The following NINJ2 variants were observed in gnomAD, a reference collection of about 807,000 sequenced individuals.
The protein encoded by NINJ2 is ninjurin-2.
NINJ2 carries 12 observed loss-of-function variants against 11.7 expected under a neutral mutation model. The ratio of observed to expected loss-of-function variants is 1.02; its 90% CI spans 0.66 to 1.66. The LOEUF is 1.66. Among genes scored for constraint, NINJ2 ranks in the 40% most tolerant of loss-of-function variants. NINJ2 has a pLI of 0.00. For synonymous variants in NINJ2, 93 were observed against 76.8 expected (o/e 1.21, Z -1.10); for missense variants, 187 against 181.8 (o/e 1.03, Z -0.16).
In NINJ2 at chr12:591,438, T is replaced by G. The variant is rs1279018661; in HGVS notation, c.34-25260A>C. 6.6e-6 allele frequency among the ~76,000 whole-genome samples: 1 copy of G among 152,184 alleles called. No homozygotes were observed. The highest frequency in any genetic ancestry group is 1.5e-5 in the Non-Finnish European group (1 of 68,030). ...AACCTGGGGCTGTGCGCTCTCCTGA[T>G]GCAAGGTCCTTTCTGCTAGTCATGA... is the stretch of plus-strand genomic sequence containing the variant. On this transcript the variant is annotated intron_variant, in intron 1 of 3. Transcript: ENST00000305108. The surrounding 1 kb of genome is among the most constrained non-coding windows in gnomAD (Gnocchi z 5.0).
intron 1 of NINJ2, among the ~76,000 whole-genome samples, chr12:578,171 C>T (rs1947496338): frequency 2.6e-5 from 4 of 152,266 alleles, no homozygotes; most frequent in East Asian, 1.9e-4. Flanking sequence ...CCTGATTACT[C>T]AATCAATCAT....
chr12:569,134 A>G (rs58548238), intron 1 of NINJ2, among the ~76,000 whole-genome samples: 15,533 of 152,262 alleles, frequency 0.1, 980 homozygotes, highest in East Asian at 0.3. Flanking sequence ...GATGGAGGGT[A>G]AATGAGGACC....
intron 1 of NINJ2, among the ~76,000 whole-genome samples, chr12:593,882 C>T (rs932973936): frequency 5.9e-5 from 9 of 152,114 alleles, no homozygotes; most frequent in African/African-American, 1.7e-4. Flanking sequence ...AATTATTTAT[C>T]AAATAAATTA....
rs1185095457 is a variant in NINJ2, at chr12:628,764, C to T, written c.33+34564G>A. Among the ~76,000 whole-genome samples, 1 of 152,132 alleles carries T rather than the reference C, an allele frequency of 6.6e-6. No homozygotes were observed. Among genetic ancestry groups the T allele is most frequent in the African/African-American group, 2.4e-5 (1 of 41,410 alleles). On this transcript the variant is annotated intron_variant, in intron 1 of 3. Transcript: ENST00000305108. This position sits in a 1 kb window ranked among gnomAD's most constrained non-coding sequence, Gnocchi z 4.4. ...AAAACCAAGATGGCAATGAAAGTGA[C>T]CACTGGTTGTCCTCACTGCTCAGTA...
At chr12:658,061 C>T (rs1439121971) in intron 1 of NINJ2, among the ~76,000 whole-genome samples, 5 of 125,932 alleles carry the variant, frequency 4.0e-5, no homozygotes, top group Non-Finnish European at 6.2e-5. Flanking sequence ...TGCAGTGGTG[C>T]GATCTCAGCT....
chr12:631,448 C>T (rs1373830420), intron 1 of NINJ2, among the ~76,000 whole-genome samples: 1 of 152,216 alleles, frequency 6.6e-6, no homozygotes, highest in Non-Finnish European at 1.5e-5. Flanking sequence ...AATGCAACCT[C>T]CGCCTCCCGG....
chr12:610,667 A>C (rs1948016669), intron 1 of NINJ2: 1 of 982,896 alleles, frequency 1.0e-6, no homozygotes, highest in South Asian at 4.7e-5. Flanking sequence ...GACAACTTCA[A>C]CTCAACCTTG....
intron 1 of NINJ2, chr12:610,201 A>T: frequency 1.4e-6 from 1 of 714,246 alleles, no homozygotes; most frequent in East Asian, 2.7e-5. Context: ...GCACACACAC[A>T]TTGCCAGACA....
rs1947615340 is a variant in NINJ2, at chr12:585,217, C to T, written c.34-19039G>A. The stretch of plus-strand genomic sequence containing the variant: ...TCTCTGCAGTGACCTTCACCTGCCG[C>T]CAGCGGTTCTCTCCCCGCCATTCAC... On this transcript the variant is annotated intron_variant, in intron 1 of 3. Coordinates refer to ENST00000305108, the MANE Select transcript of NINJ2 (RefSeq NM_016533.6). This position sits in a 1 kb window ranked among gnomAD's most constrained non-coding sequence, Gnocchi z 4.1. Among the ~76,000 whole-genome samples the T allele has an allele frequency of 6.6e-6, 1 of 151,876 alleles. No homozygotes were observed. Among genetic ancestry groups the T allele is most frequent in the Non-Finnish European group, 1.5e-5 (1 of 68,006 alleles).
At chr12:631,040 C>T (rs1948274766) in intron 1 of NINJ2, 1 of 152,274 alleles carries the variant, frequency 6.6e-6, no homozygotes, top group African/African-American at 2.4e-5. Flanking sequence ...AGTTAAACCG[C>T]AGAAAGGTTG....
intron 1 of NINJ2, among the ~76,000 whole-genome samples, chr12:576,408 C>T (rs1947462166): frequency 6.6e-6 from 1 of 152,274 alleles, no homozygotes; most frequent in Non-Finnish European, 1.5e-5. Flanking sequence ...CCATAAATTA[C>T]AAACGGAAGC....
At chr12:656,129 C>A (rs1340126418) in intron 1 of NINJ2, among the ~76,000 whole-genome samples, 2 of 150,998 alleles carry the variant, frequency 1.3e-5, no homozygotes, top group African/African-American at 4.9e-5. Flanking sequence ...CTTCGGGAGG[C>A]TGAGGTGGGT....
chr12:565,197 G>A lies in NINJ2; in HGVS notation c.*18+20C>T, dbSNP rs370514526. On this transcript the variant is annotated intron_variant, in intron 3 of 3. Coordinates refer to ENST00000305108, the MANE Select transcript of NINJ2 (RefSeq NM_016533.6). ...CACCTGGGGAGTCCCTGGAGCTGGG[G>A]TTCCTCCATCCTCCCTCACCTGGGT... 11 of 1,585,988 alleles carry A rather than the reference G, an allele frequency of 6.9e-6. No homozygotes were observed. The highest frequency in any genetic ancestry group is 1.7e-5 in the Admixed American group (1 of 57,510).
chr12:638,880 C>T (rs909307228), intron 1 of NINJ2, among the ~76,000 whole-genome samples: 7 of 152,096 alleles, frequency 4.6e-5, no homozygotes, highest in African/African-American at 1.2e-4. Context: ...CAGTACACAG[C>T]GAACATTACA....
chr12:642,290 G>C (rs536649491), intron 1 of NINJ2, among the ~76,000 whole-genome samples: 2 of 152,372 alleles, frequency 1.3e-5, no homozygotes, highest in East Asian at 3.9e-4. Context: ...GAGCGCAATG[G>C]TGCGATCTCG....
At chr12:621,598 T>C (rs576347916) in intron 1 of NINJ2, among the ~76,000 whole-genome samples, 347 of 140,438 alleles carry the variant, frequency 2.5e-3, no homozygotes, top group African/African-American at 8.8e-3. Context: ...AGACGGGAGA[T>C]GGGAGATCAA....
At position 580,859 on chromosome 12, in the gene NINJ2, T is replaced by C. The variant is rs1327529789; in HGVS notation, c.34-14681A>G. On this transcript the variant is annotated intron_variant, in intron 1 of 3. Transcript: ENST00000305108. This position sits in a 1 kb window ranked among gnomAD's most constrained non-coding sequence, Gnocchi z 4.7. ...GTATGCATGTGTGTCTGTGTGTGCA[T>C]GAGTGTCTGTGTGAATGTGTCTATG... Among the ~76,000 whole-genome samples, 1 of 151,892 alleles carries C rather than the reference T, an allele frequency of 6.6e-6. No homozygotes were observed. Among genetic ancestry groups the C allele is most frequent in the Non-Finnish European group, 1.5e-5 (1 of 67,956 alleles).
At chr12:578,197 A>G (rs1425298435) in intron 1 of NINJ2, among the ~76,000 whole-genome samples, 1 of 151,886 alleles carries the variant, frequency 6.6e-6, no homozygotes, top group Non-Finnish European at 1.5e-5. Flanking sequence ...TCTCACGCGG[A>G]CCCCCTTAAA....
Position 640,504 on chromosome 12 carries a change from C to T in NINJ2, c.33+22824G>A, listed in dbSNP as rs75522750. Among the ~76,000 whole-genome samples the T allele has an allele frequency of 2.6e-5, 4 of 152,250 alleles. No homozygotes were observed. The highest frequency in any genetic ancestry group is 5.9e-5 in the Non-Finnish European group (4 of 68,024). On this transcript the variant is annotated intron_variant, in intron 1 of 3. Transcript: ENST00000305108. This position sits in a 1 kb window ranked among gnomAD's most constrained non-coding sequence, Gnocchi z 4.0. ...ACTTGACTTCTATTCCTCCTTTCTTCTTAATGGTCCTGTTTTTATTTTATT... is the reference window on the plus strand; with the variant it reads ...ACTTGACTTCTATTCCTCCTTTCTTTTTAATGGTCCTGTTTTTATTTTATT...
Sources: allele counts gnomAD v4.1 joint callset (sites outside exome capture counted in the v4.1 genomes callset), GRCh38; gene constraint gnomAD v4.1.1; non-coding constraint Gnocchi (gnomAD v3.1); transcripts MANE v1.5; gene names NCBI Gene and HGNC (gene_info 2026-07-23, HGNC 2026-07-21).